The following CHP1 variants were observed in gnomAD, a reference collection of about 807,000 sequenced individuals.
CHP1 encodes the protein calcineurin like EF-hand protein 1.
CHP1 carries 11 observed loss-of-function variants against 27.4 expected under a neutral mutation model. The observed-to-expected ratio is 0.40, with a 90% CI of 0.25 to 0.67. The LOEUF is 0.67. CHP1 is among the 30% of genes least tolerant of loss of function. The pLI is 0.38. For synonymous variants in CHP1, 89 were observed against 87.4 expected (o/e 1.02, Z -0.10); for missense variants, 169 against 251.3 (o/e 0.67, Z 2.22).
rs188753759 is a variant in CHP1, at chr15:41,281,040, G to A, written c.*1651G>A. 6.6e-6 allele frequency: 1 copy of A among 151,790 alleles called. No individual in the cohort carries two copies. The highest frequency in any genetic ancestry group is 1.9e-4 in the East Asian group (1 of 5,148). 9.4% of individuals were successfully genotyped at this position (151,790 alleles called of 1,614,324 possible). On this transcript the variant is annotated 3_prime_UTR_variant, in exon 7 of 7. Coordinates refer to ENST00000334660, the MANE Select transcript of CHP1 (RefSeq NM_007236.5). The stretch of plus-strand genomic sequence containing the variant: ...TACCTGGGTAATTTTTGCATTTTTA[G>A]TGGAGAGGGAGTTTCACCATGTTGG...
chr15:41,237,888 T>G (rs1169695176), intron 1 of CHP1, among the ~76,000 whole-genome samples: 1 of 152,176 alleles, frequency 6.6e-6, no homozygotes, highest in Non-Finnish European at 1.5e-5. Context: ...TTTTGTATTT[T>G]TAGTAGAGAT....
At chr15:41,246,673 C>T (rs1252318503) in intron 2 of CHP1, among the ~76,000 whole-genome samples, 1 of 133,828 alleles carries the variant, frequency 7.5e-6, no homozygotes, top group African/African-American at 2.8e-5. Flanking sequence ...CGCTCTGTAG[C>T]CCATGGTCTC....
At chr15:41,275,167 T>C (rs1181989165) in intron 5 of CHP1, among the ~76,000 whole-genome samples, 1 of 152,064 alleles carries the variant, frequency 6.6e-6, no homozygotes, top group African/African-American at 2.4e-5. Flanking sequence ...TTTTCTTTTT[T>C]TTCGTTTGAG....
At chr15:41,269,454 G>A (rs1033529147) in intron 4 of CHP1, among the ~76,000 whole-genome samples, 1 of 151,862 alleles carries the variant, frequency 6.6e-6, no homozygotes, top group Non-Finnish European at 1.5e-5. Context: ...CCTAATAATC[G>A]CTCTGCCTGG....
chr15:41,271,124 G>A (rs560153579), intron 5 of CHP1, among the ~76,000 whole-genome samples: 16 of 152,000 alleles, frequency 1.1e-4, no homozygotes, highest in South Asian at 6.2e-4. Context: ...GTGTGGTGGC[G>A]GGCACCTGTA....
intron 5 of CHP1, among the ~76,000 whole-genome samples, chr15:41,276,188 C>T (rs1467650041): frequency 2.6e-5 from 4 of 151,268 alleles, no homozygotes; most frequent in Non-Finnish European, 5.9e-5. Context: ...TTGCAGTAAG[C>T]CAAGATCGTG....
Position 41,279,406 on chromosome 15 carries a change from C to T in CHP1, c.*17C>T. The T allele has an allele frequency of 6.2e-7, 1 of 1,608,704 alleles. No homozygotes were observed. Among genetic ancestry groups the T allele is most frequent in the African/African-American group, 1.3e-5 (1 of 74,858 alleles). Reference sequence around the variant, plus strand: ...CTTCACTAAAGGAGACCAAACTGTTCCTTGCGGTCTAGTATTTAAGAACTG... The same window carrying T: ...CTTCACTAAAGGAGACCAAACTGTTTCTTGCGGTCTAGTATTTAAGAACTG... On this transcript the variant is annotated 3_prime_UTR_variant, in exon 7 of 7. Transcript: ENST00000334660.
chr15:41,259,107 C>G (rs1453801884), intron 3 of CHP1, among the ~76,000 whole-genome samples: 1 of 152,070 alleles, frequency 6.6e-6, no homozygotes, highest in African/African-American at 2.4e-5. Flanking sequence ...ATGCTGAATT[C>G]TTCCTTTTTT....
rs375781377 is a variant in CHP1, at chr15:41,274,711, T to C, written c.412-4056T>C. On this transcript the variant is annotated intron_variant, in intron 5 of 6. Transcript: ENST00000334660. ...GATCTGAAGAAGCTGCTGTCTGAGG[T>C]TGGATTCATCTGCTTGGCAACACAC... Among the ~76,000 whole-genome samples the C allele has an allele frequency of 4.6e-5, 7 of 152,038 alleles. No homozygotes were observed. The East Asian group carries it at 7.8e-4, about 17-fold the overall frequency.
intron 5 of CHP1, among the ~76,000 whole-genome samples, chr15:41,271,570 T>C (rs994616523): frequency 6.6e-6 from 1 of 152,226 alleles, no homozygotes; most frequent in Non-Finnish European, 1.5e-5. Flanking sequence ...AGTTAAATGC[T>C]GTTATTTAGT....
At chr15:41,246,807 A>G (rs1465667300) in intron 2 of CHP1, among the ~76,000 whole-genome samples, 1 of 150,768 alleles carries the variant, frequency 6.6e-6, no homozygotes, top group Non-Finnish European at 1.5e-5. Flanking sequence ...CGAGAGGCTG[A>G]GGTAGGAGAA....
At position 41,279,552 on chromosome 15, in the gene CHP1, G is replaced by C. The variant is rs2047535766; in HGVS notation, c.*163G>C. The C allele has an allele frequency of 3.2e-6, 2 of 628,160 alleles. No individual in the cohort carries two copies. Among genetic ancestry groups the C allele is most frequent in the Non-Finnish European group, 5.8e-6 (2 of 347,488 alleles). 38.9% of individuals were successfully genotyped at this position (628,160 alleles called of 1,614,324 possible). ...TTCTGTCAACACAAACCTGCCTTTG[G>C]TGTATAAACAGGGCATTACAGAATG... On this transcript the variant is annotated 3_prime_UTR_variant, in exon 7 of 7. Coordinates refer to ENST00000334660, the MANE Select transcript of CHP1 (RefSeq NM_007236.5).
chr15:41,250,818 A>ACTTT (rs537883932), intron 2 of CHP1, among the ~76,000 whole-genome samples: 11 of 151,128 alleles, frequency 7.3e-5, no homozygotes, highest in Middle Eastern at 6.8e-3. Context: ...GATATTTAAG[A>ACTTT]CTTTCTTTCT....
rs1282789311 is a variant in CHP1 at position 41,262,004 on chromosome 15, A to C, written c.222-752A>C. 3.3e-5 allele frequency among the ~76,000 whole-genome samples: 5 copies of C among 149,734 alleles called. No individual in the cohort carries two copies. The East Asian group carries it at 5.9e-4, about 18-fold the overall frequency. On this transcript the variant is annotated intron_variant, in intron 3 of 6. Coordinates refer to ENST00000334660, the MANE Select transcript of CHP1 (RefSeq NM_007236.5). ...CAAAACTCCATCTCAAAAAAAAAAA[A>C]AAAAAATACAAAAAATTAGCCGGGC...
chr15:41,271,839 A>G (rs2047491259), intron 5 of CHP1, among the ~76,000 whole-genome samples: 1 of 152,240 alleles, frequency 6.6e-6, no homozygotes, highest in Non-Finnish European at 1.5e-5. Context: ...GAATTTCTTC[A>G]GCGAGAAGCG....
At chr15:41,274,072 C>T (rs371694104) in intron 5 of CHP1, among the ~76,000 whole-genome samples, 38 of 151,942 alleles carry the variant, frequency 2.5e-4, no homozygotes, top group South Asian at 1.7e-3. Context: ...GTGATTCTCC[C>T]GCCTCAGCCT....
intron 5 of CHP1, among the ~76,000 whole-genome samples, chr15:41,276,318 C>T (rs1382762154): frequency 1.3e-5 from 2 of 152,012 alleles, no homozygotes; most frequent in Non-Finnish European, 2.9e-5. Context: ...CTATGAGCCA[C>T]TGGGCTAGAG....
chr15:41,277,767 A>C (rs1018898271), intron 5 of CHP1, among the ~76,000 whole-genome samples: 2 of 150,984 alleles, frequency 1.3e-5, no homozygotes, highest in Non-Finnish European at 2.9e-5. Flanking sequence ...CAGCCTGGGC[A>C]ACAAGAGTGA....
chr15:41,262,074 CAGG>C (rs2047436447), intron 3 of CHP1, among the ~76,000 whole-genome samples: 1 of 151,192 alleles, frequency 6.6e-6, no homozygotes, highest in African/African-American at 2.4e-5. Context: ...GAGGCTAAGG[CAGG>C]AGAATTGCTT....
Sources: allele counts gnomAD v4.1 joint callset (sites outside exome capture counted in the v4.1 genomes callset), GRCh38; gene constraint gnomAD v4.1.1; transcripts MANE v1.5; gene names NCBI Gene and HGNC (gene_info 2026-07-23, HGNC 2026-07-21).